Variants in STAM observed in about 807,000 individuals in gnomAD.
STAM encodes the protein signal transducing adaptor molecule.
In STAM, 16 loss-of-function variants were observed where a neutral mutation model predicts 63.4. The observed-to-expected ratio is 0.25, with a 90% CI of 0.17 to 0.38. STAM has a LOEUF of 0.38. STAM is among the 10% of genes least tolerant of loss of function. The probability of loss-of-function intolerance (pLI) is 1.00; values close to 1 mark genes in which losing one functional copy is unlikely to be tolerated. For missense variants in STAM, 636 were observed against 657.1 expected (o/e 0.97, Z 0.35); for synonymous variants, 238 against 223.9 (o/e 1.06, Z -0.56).
At chr10:17,666,387 ATTTTTTTTTTTTT>A (rs10673746) in intron 2 of STAM, among the ~76,000 whole-genome samples, 2 of 85,922 alleles carry the variant, frequency 2.3e-5, no homozygotes, top group South Asian at 4.1e-4. Context: ...TTGGCTTTGT[ATTTTTTTTTTTTT>A]TTTTTTTTTT....
intron 4 of STAM, among the ~76,000 whole-genome samples, chr10:17,687,603 A>T (rs797029583): frequency 4.1e-4 from 63 of 152,398 alleles, no homozygotes; most frequent in African/African-American, 1.4e-3. Flanking sequence ...TAGGCCCCAG[A>T]TAATTAAGCA....
chr10:17,653,709 A>G (rs1203921691), intron 1 of STAM, among the ~76,000 whole-genome samples: 3 of 152,244 alleles, frequency 2.0e-5, no homozygotes, highest in Admixed American at 6.5e-5. Context: ...TGAATTAGGC[A>G]TGATAAGTGA....
chr10:17,696,738 T>C, intron 7 of STAM, 37 bp from the exon 8 acceptor site: 4 of 1,409,862 alleles, frequency 2.8e-6, no homozygotes, highest in Non-Finnish European at 4.0e-6. Context: ...AATAAATACA[T>C]TTGTTATGGT....
chr10:17,684,296 G>A (rs1411559389), intron 2 of STAM, among the ~76,000 whole-genome samples: 1 of 152,168 alleles, frequency 6.6e-6, no homozygotes, highest in Non-Finnish European at 1.5e-5. Flanking sequence ...TCTTTAAAAA[G>A]TTAACCTCAG....
chr10:17,661,607 T>G (rs1834169058), intron 2 of STAM, among the ~76,000 whole-genome samples: 1 of 152,216 alleles, frequency 6.6e-6, no homozygotes, highest in Admixed American at 6.5e-5. Flanking sequence ...CTCCTGTCTC[T>G]TTTTGTTTTA....
At chr10:17,703,614 A>G (rs1290956790) in intron 9 of STAM, among the ~76,000 whole-genome samples, 11 of 152,216 alleles carry the variant, frequency 7.2e-5, no homozygotes, top group African/African-American at 2.7e-4. Flanking sequence ...TATATATCGT[A>G]TAGATGTGTG....
At chr10:17,684,567 CTTTATCATAGTCTCCCTT>C in intron 2 of STAM, 90 bp from the exon 3 acceptor site, 6 of 770,076 alleles carry the variant, frequency 7.8e-6, no homozygotes, top group Non-Finnish European at 1.2e-5. Context: ...AATTTCCCTA[CTTTATCATAGTCTCCCTT>C]TTTATCGTAG....
chr10:17,702,923 G>A (rs549504757), intron 9 of STAM, among the ~76,000 whole-genome samples: 5 of 147,064 alleles, frequency 3.4e-5, no homozygotes, highest in African/African-American at 1.2e-4. Flanking sequence ...CAGGAGAATC[G>A]CTTGAATCTG....
intron 5 of STAM, 21 bp from the exon 6 acceptor site, chr10:17,693,201 T>A: frequency 6.2e-7 from 1 of 1,609,398 alleles, no homozygotes. Context: ...CCTCAAATAC[T>A]GTGTTCCTCT....
chr10:17,650,970 C>G (rs1833716382), intron 1 of STAM, among the ~76,000 whole-genome samples: 1 of 142,954 alleles, frequency 7.0e-6, no homozygotes, highest in South Asian at 2.2e-4. Context: ...GAGGCTGAGG[C>G]AGGAGAATAG....
chr10:17,692,870 T>G (rs1554826947), intron 5 of STAM, among the ~76,000 whole-genome samples: 2 of 152,174 alleles, frequency 1.3e-5, no homozygotes, highest in African/African-American at 4.8e-5. Flanking sequence ...AGTAGTCATC[T>G]CTTTCTGTCT....
intron 9 of STAM, among the ~76,000 whole-genome samples, chr10:17,703,333 T>G (rs915440270): frequency 2.8e-5 from 4 of 145,228 alleles, no homozygotes; most frequent in African/African-American, 1.0e-4. Flanking sequence ...TGGGAAGAGT[T>G]TTTTTTTTTT....
chr10:17,675,494 A>C (rs1554824545), intron 2 of STAM, among the ~76,000 whole-genome samples: 1 of 143,228 alleles, frequency 7.0e-6, no homozygotes, highest in African/African-American at 2.6e-5. Flanking sequence ...ACAGAGTGAG[A>C]CTCTGTCTCA....
chr10:17,694,412 G>A (rs1009189574), intron 6 of STAM, among the ~76,000 whole-genome samples: 13 of 152,244 alleles, frequency 8.5e-5, no homozygotes, highest in Non-Finnish European at 1.8e-4. Flanking sequence ...TCTAAAACAA[G>A]AGCGGAAGAG....
In STAM at chr10:17,710,972, G is replaced by T. The variant is rs188920279; in HGVS notation, c.1385+2021G>T. On this transcript the variant is annotated intron_variant, in intron 13 of 13. Coordinates refer to ENST00000377524, the MANE Select transcript of STAM (RefSeq NM_003473.4). ...TGTTTGTGTGTTTCAACGGGGAAAT[G>T]AGGAATTGCTGGTAGAGCAAATGTA... Among the ~76,000 whole-genome samples the T allele has an allele frequency of 4.5e-3, 681 of 152,272 alleles. 5 individuals carry two copies. The highest frequency in any genetic ancestry group is 0.014 in the Middle Eastern group (4 of 294).
intron 6 of STAM, among the ~76,000 whole-genome samples, chr10:17,694,089 G>C (rs1235948640): frequency 6.6e-6 from 1 of 151,874 alleles, no homozygotes; most frequent in African/African-American, 2.4e-5. Flanking sequence ...TTTTTCTCTT[G>C]GGTAAATTGT....
At chr10:17,648,449 G>T (rs536300686) in intron 1 of STAM, among the ~76,000 whole-genome samples, 2 of 152,152 alleles carry the variant, frequency 1.3e-5, no homozygotes, top group Non-Finnish European at 2.9e-5. Context: ...ACCGGCTCGG[G>T]TCCCCTTCCA....
chr10:17,682,874 G>A (rs1445678646), intron 2 of STAM, among the ~76,000 whole-genome samples: 1 of 151,992 alleles, frequency 6.6e-6, no homozygotes, highest in Non-Finnish European at 1.5e-5. Flanking sequence ...GTTTCCTTTC[G>A]GCTGTATCGA....
At chr10:17,672,298 A>G (rs1306096337) in intron 2 of STAM, among the ~76,000 whole-genome samples, 3 of 152,234 alleles carry the variant, frequency 2.0e-5, no homozygotes, top group African/African-American at 7.2e-5. Context: ...ACTGTGGGCC[A>G]TTCAAAGACA....
Sources: allele counts gnomAD v4.1 joint callset (sites outside exome capture counted in the v4.1 genomes callset), GRCh38; gene constraint gnomAD v4.1.1; transcripts MANE v1.5; gene names NCBI Gene and HGNC (gene_info 2026-07-23, HGNC 2026-07-21).